The following SPAG16 variants were observed in gnomAD, a reference collection of about 807,000 sequenced individuals.
The protein encoded by SPAG16 is sperm-associated antigen 16 protein.
Under a neutral mutation model 80.4 loss-of-function variants are expected in SPAG16, and 86 were observed. The ratio of observed to expected loss-of-function variants is 1.07; its 90% CI spans 0.90 to 1.28. The LOEUF is 1.28. Among genes scored for constraint, SPAG16 ranks in the 50% most tolerant of loss-of-function variants. The pLI is 0.00. For synonymous variants in SPAG16, 294 were observed against 265.9 expected, an observed-to-expected ratio of 1.11 and a Z score of -1.03; for missense variants, 870 against 765.3, an observed-to-expected ratio of 1.14 and a Z score of -1.61.
At chr2:213,482,735 C>T (rs1465205670) in intron 9 of SPAG16, among the ~76,000 whole-genome samples, 1 of 152,160 alleles carries the variant, frequency 6.6e-6, no homozygotes, top group African/African-American at 2.4e-5. Context: ...CTTTGTGAAT[C>T]ACGGTTCTGA....
At chr2:213,968,200 A>G (rs528715704) in intron 12 of SPAG16, among the ~76,000 whole-genome samples, 1 of 145,688 alleles carries the variant, frequency 6.9e-6, no homozygotes, top group East Asian at 2.0e-4. Context: ...TTTCCTCCAG[A>G]GTCTCACTCC....
intron 10 of SPAG16, among the ~76,000 whole-genome samples, chr2:213,494,416 G>C (rs1374219907): frequency 6.6e-6 from 1 of 152,112 alleles, no homozygotes; most frequent in Admixed American, 6.5e-5. Flanking sequence ...CCAAATCTGT[G>C]TGAACTTACT....
chr2:214,381,110 C>T (rs2126107849), intron 15 of SPAG16, among the ~76,000 whole-genome samples: 2 of 152,258 alleles, frequency 1.3e-5, no homozygotes, highest in South Asian at 2.1e-4. Flanking sequence ...GACGATTCTA[C>T]GAAGCAGTAC....
chr2:213,764,084 T>G (rs572462576), intron 10 of SPAG16, among the ~76,000 whole-genome samples: 1 of 152,336 alleles, frequency 6.6e-6, no homozygotes, highest in Non-Finnish European at 1.5e-5. Context: ...TGCTCCTAAG[T>G]GTTACACAAA....
At chr2:214,324,893 C>T (rs1696363261) in intron 15 of SPAG16, among the ~76,000 whole-genome samples, 1 of 152,130 alleles carries the variant, frequency 6.6e-6, no homozygotes, top group Non-Finnish European at 1.5e-5. Flanking sequence ...CAGGCATGCT[C>T]AAAGGCATGT....
intron 13 of SPAG16, among the ~76,000 whole-genome samples, chr2:214,079,268 A>T (rs535477974): frequency 2.0e-5 from 3 of 152,270 alleles, no homozygotes; most frequent in African/African-American, 7.2e-5. Context: ...CTTTTTATGC[A>T]TTCAGCAAGT....
intron 10 of SPAG16, among the ~76,000 whole-genome samples, chr2:213,858,779 G>A (rs1412147012): frequency 6.6e-6 from 1 of 152,146 alleles, no homozygotes; most frequent in Non-Finnish European, 1.5e-5. Flanking sequence ...GGTCGAAGGT[G>A]AGCCCTAAGT....
At chr2:214,326,372 T>C (rs1363761904) in intron 15 of SPAG16, among the ~76,000 whole-genome samples, 2 of 152,292 alleles carry the variant, frequency 1.3e-5, no homozygotes, top group Non-Finnish European at 1.5e-5. Context: ...AGCATGGCCC[T>C]GCTGACACCT....
chr2:213,978,125 C>A (rs1365233307), intron 12 of SPAG16, among the ~76,000 whole-genome samples: 2 of 151,616 alleles, frequency 1.3e-5, no homozygotes, highest in Admixed American at 1.3e-4. Context: ...TCATTGGATT[C>A]TACTAATTCT....
chr2:214,336,692 G>C (rs569702492), intron 15 of SPAG16, among the ~76,000 whole-genome samples: 2 of 151,910 alleles, frequency 1.3e-5, no homozygotes, highest in Non-Finnish European at 2.9e-5. Flanking sequence ...GCCGGATAAA[G>C]GCTGAGGTGA....
intron 10 of SPAG16, among the ~76,000 whole-genome samples, chr2:213,575,816 C>A (rs1367838327): frequency 6.6e-6 from 1 of 152,116 alleles, no homozygotes; most frequent in Non-Finnish European, 1.5e-5. Context: ...ATCCATTTTA[C>A]CAATCTCTGT....
At chr2:213,410,487 A>G (rs2068905063) in intron 9 of SPAG16, among the ~76,000 whole-genome samples, 1 of 152,180 alleles carries the variant, frequency 6.6e-6, no homozygotes, top group Non-Finnish European at 1.5e-5. Flanking sequence ...CCCGATGTAG[A>G]GCTTTTATGC....
At chr2:213,593,176 A>C (rs1233606271) in intron 10 of SPAG16, among the ~76,000 whole-genome samples, 1 of 152,130 alleles carries the variant, frequency 6.6e-6, no homozygotes, top group Non-Finnish European at 1.5e-5. Flanking sequence ...AGAAAAACCG[A>C]GGTGATACAT....
intron 10 of SPAG16, among the ~76,000 whole-genome samples, chr2:213,713,690 G>A (rs920338590): frequency 6.6e-6 from 1 of 152,174 alleles, no homozygotes; most frequent in African/African-American, 2.4e-5. Flanking sequence ...GGCAGGGAAA[G>A]AAAGAAGCTG....
At chr2:214,198,481 A>G (rs2057911149) in intron 15 of SPAG16, among the ~76,000 whole-genome samples, 2 of 151,976 alleles carry the variant, frequency 1.3e-5, no homozygotes, top group African/African-American at 2.4e-5. Context: ...AATATACCAC[A>G]TTTGTTCATT....
intron 10 of SPAG16, among the ~76,000 whole-genome samples, chr2:213,779,844 A>T (rs2069834878): frequency 6.6e-6 from 1 of 152,212 alleles, no homozygotes; most frequent in Non-Finnish European, 1.5e-5. Context: ...TTATCCCAGT[A>T]AGGAAGAAAG....
At position 214,096,549 on chromosome 2, in the gene SPAG16, C is replaced by T. The variant is rs531952249; in HGVS notation, c.1528-11647C>T. Among the ~76,000 whole-genome samples, 20 of 152,134 alleles carry T rather than the reference C, an allele frequency of 1.3e-4. No homozygotes were observed. The South Asian group carries it at 4.1e-3, about 32-fold the overall frequency. On this transcript the variant is annotated intron_variant, in intron 13 of 15. Transcript: ENST00000331683. Reference sequence around the variant, plus strand: ...TGCATTTTAGTCAGTTCTTATGCTACTGGGAGCGTTTTTTTAAACACTCAC... The same window carrying T: ...TGCATTTTAGTCAGTTCTTATGCTATTGGGAGCGTTTTTTTAAACACTCAC...
chr2:214,354,045 T>C (rs1415276578), intron 15 of SPAG16, among the ~76,000 whole-genome samples: 1 of 152,092 alleles, frequency 6.6e-6, no homozygotes, highest in African/African-American at 2.4e-5. Flanking sequence ...TGTGATTATA[T>C]TACACATTGC....
intron 15 of SPAG16, among the ~76,000 whole-genome samples, chr2:214,220,349 G>A (rs2058535756): frequency 6.6e-6 from 1 of 152,054 alleles, no homozygotes; most frequent in South Asian, 2.1e-4. Flanking sequence ...TTCTGATTCT[G>A]GATAGATATA....
Sources: gnomAD v4.1 joint callset for allele counts (sites outside exome capture counted in the v4.1 genomes callset) on GRCh38, gnomAD v4.1.1 for gene constraint, MANE v1.5 for transcripts, NCBI Gene and HGNC (gene_info 2026-07-23, HGNC 2026-07-21) for gene names.